Variants in NR6A1 observed in about 807,000 individuals in gnomAD.
NR6A1 encodes the protein nuclear receptor subfamily 6 group A member 1, also known as retinoic acid receptor-related testis-associated receptor.
In NR6A1, 7 loss-of-function variants were observed where a neutral mutation model predicts 59.1. That is an observed-to-expected ratio of 0.12 (90% CI 0.07 to 0.22). The LOEUF (loss-of-function observed/expected upper bound fraction) is 0.22. Ranked by LOEUF, NR6A1 falls within the 10% of genes least tolerant of loss-of-function variation. NR6A1 has a pLI of 1.00. For synonymous variants in NR6A1, 243 were observed against 236.1 expected (o/e 1.03, Z -0.27); for missense variants, 468 against 611.6 (o/e 0.77, Z 2.48).
intron 2 of NR6A1, among the ~76,000 whole-genome samples, chr9:124,608,003 T>C (rs1457572964): frequency 6.6e-6 from 1 of 152,038 alleles, no homozygotes; most frequent in Admixed American, 6.6e-5. Flanking sequence ...GCCCAGGAGG[T>C]TGAGGCTACA....
intron 1 of NR6A1, among the ~76,000 whole-genome samples, chr9:124,744,044 T>G (rs1026362195): frequency 1.3e-5 from 2 of 152,134 alleles, no homozygotes; most frequent in Non-Finnish European, 2.9e-5. Context: ...CTGGGCAATA[T>G]AGTGAGACCT....
At chr9:124,565,148 G>T (rs1436433656) in intron 2 of NR6A1, among the ~76,000 whole-genome samples, 1 of 152,080 alleles carries the variant, frequency 6.6e-6, no homozygotes, top group Non-Finnish European at 1.5e-5. Context: ...AAGTCAGAAG[G>T]CCAGGTGTGG....
At chr9:124,600,848 G>A (rs951135931) in intron 2 of NR6A1, among the ~76,000 whole-genome samples, 1 of 151,920 alleles carries the variant, frequency 6.6e-6, no homozygotes, top group Non-Finnish European at 1.5e-5. Flanking sequence ...AAGTAGGAAA[G>A]GTATTTCAAG....
At chr9:124,654,818 G>C (rs1588747868) in intron 2 of NR6A1, among the ~76,000 whole-genome samples, 1 of 144,580 alleles carries the variant, frequency 6.9e-6, no homozygotes, top group Non-Finnish European at 1.5e-5. Flanking sequence ...AAAAACCTTT[G>C]TTTTGTTCCT....
chr9:124,556,460 A>ATT (rs111855786), intron 2 of NR6A1, among the ~76,000 whole-genome samples: 75 of 138,174 alleles, frequency 5.4e-4, no homozygotes, highest in Non-Finnish European at 7.9e-4. Context: ...AGGGATACTG[A>ATT]TTTTTTTTTT....
At chr9:124,594,383 A>G (rs1030365425) in intron 2 of NR6A1, among the ~76,000 whole-genome samples, 12 of 152,292 alleles carry the variant, frequency 7.9e-5, no homozygotes, top group African/African-American at 2.4e-4. Flanking sequence ...AGCAGACTAC[A>G]TATCACTAAG....
At chr9:124,551,255 G>A (rs1833769315) in intron 3 of NR6A1, among the ~76,000 whole-genome samples, 1 of 152,076 alleles carries the variant, frequency 6.6e-6, no homozygotes, top group Admixed American at 6.6e-5. Context: ...GCTAGAGCTT[G>A]GAAATATACA....
chr9:124,660,680 G>C (rs1178650810), intron 2 of NR6A1, among the ~76,000 whole-genome samples: 5 of 144,844 alleles, frequency 3.5e-5, no homozygotes, highest in Admixed American at 2.8e-4. Context: ...GCAACACAGA[G>C]ATGCCATGTT....
chr9:124,655,294 T>C (rs1393355819), intron 2 of NR6A1, among the ~76,000 whole-genome samples: 1 of 152,196 alleles, frequency 6.6e-6, no homozygotes, highest in Non-Finnish European at 1.5e-5. Context: ...AACAAGCAAT[T>C]TGAACAAAGG....
chr9:124,752,533 A>C (rs985678530), intron 1 of NR6A1, among the ~76,000 whole-genome samples: 2 of 152,190 alleles, frequency 1.3e-5, no homozygotes, highest in African/African-American at 4.8e-5. Flanking sequence ...AAGTCAAAGA[A>C]ATTGTCCTTT....
intron 2 of NR6A1, among the ~76,000 whole-genome samples, chr9:124,722,987 C>T (rs1032082454): frequency 6.6e-6 from 1 of 152,102 alleles, no homozygotes; most frequent in Non-Finnish European, 1.5e-5. Context: ...CCACCACACC[C>T]AGCACTTAAC....
chr9:124,647,127 G>T (rs1306144451), intron 2 of NR6A1, among the ~76,000 whole-genome samples: 4 of 152,098 alleles, frequency 2.6e-5, no homozygotes, highest in Non-Finnish European at 4.4e-5. Flanking sequence ...TTGTAGCCCA[G>T]ACTGGTCCCA....
At chr9:124,617,721 C>A (rs566240062) in intron 2 of NR6A1, among the ~76,000 whole-genome samples, 2 of 152,094 alleles carry the variant, frequency 1.3e-5, no homozygotes, top group African/African-American at 2.4e-5. Flanking sequence ...AGACATTAAG[C>A]CTGGGGAGTG....
intron 2 of NR6A1, among the ~76,000 whole-genome samples, chr9:124,635,485 T>C (rs1836581908): frequency 6.6e-6 from 1 of 152,240 alleles, no homozygotes; most frequent in Admixed American, 6.5e-5. Context: ...TGTGAAGAGA[T>C]GCCTTCCACC....
chr9:124,579,187 G>A (rs1004747199), intron 2 of NR6A1, among the ~76,000 whole-genome samples: 5 of 152,190 alleles, frequency 3.3e-5, no homozygotes, highest in African/African-American at 1.2e-4. Context: ...GGAGGCTTAG[G>A]TGGAGGATTG....
chr9:124,769,251 T>TA (rs1841034915), intron 1 of NR6A1, among the ~76,000 whole-genome samples: 1 of 81,358 alleles, frequency 1.2e-5, no homozygotes. Flanking sequence ...CATACACAAA[T>TA]TAAAAAAAAA....
chr9:124,644,415 T>A (rs1836872776), intron 2 of NR6A1, among the ~76,000 whole-genome samples: 1 of 151,516 alleles, frequency 6.6e-6, no homozygotes, highest in Non-Finnish European at 1.5e-5. Context: ...CTACCCCGGC[T>A]AACTTTTTGT....
At chr9:124,526,714 AG>A in intron 8 of NR6A1, 64 bp downstream of exon 8, 1 of 1,596,952 alleles carries the variant, frequency 6.3e-7, no homozygotes, top group Non-Finnish European at 8.6e-7. Flanking sequence ...GTGAAACAGG[AG>A]GGCAAATGCT....
intron 2 of NR6A1, among the ~76,000 whole-genome samples, chr9:124,632,439 T>C (rs1232890847): frequency 4.6e-5 from 7 of 152,064 alleles, no homozygotes; most frequent in Non-Finnish European, 1.5e-5. Context: ...CTGTTTTTCA[T>C]ATGCTTCTTG....
Sources: gnomAD v4.1 joint callset for allele counts (sites outside exome capture counted in the v4.1 genomes callset) on GRCh38, gnomAD v4.1.1 for gene constraint, MANE v1.5 for transcripts, NCBI Gene and HGNC (gene_info 2026-07-23, HGNC 2026-07-21) for gene names.